OTOF: variants seen among roughly 807,000 people sequenced by gnomAD.
OTOF encodes otoferlin, also known as fer-1-like family member 2.
OTOF carries 218 observed loss-of-function variants against 236.8 expected under a neutral mutation model. That is an observed-to-expected ratio of 0.92 (90% CI 0.82 to 1.03). The LOEUF is 1.03. Among genes scored for constraint, OTOF ranks in the 50% least tolerant of loss-of-function variants. The probability of loss-of-function intolerance (pLI) is 0.00; values close to 1 mark genes in which losing one functional copy is unlikely to be tolerated. For missense variants in OTOF, 2,590 were observed against 2,694.4 expected, an observed-to-expected ratio of 0.96 and a Z score of 0.86; for synonymous variants, 1,041 against 1,072.5, an observed-to-expected ratio of 0.97 and a Z score of 0.57.
At position 26,469,873 on chromosome 2, in the gene OTOF, G is replaced by A. The variant is rs75830880; in HGVS notation, c.4023+720C>T. On this transcript the variant is annotated intron_variant, in intron 32 of 46. Transcript: ENST00000272371. ...CTGGATCAGCTCTGGCCCCACTGAG[G>A]AAACACAACTGCAGGCATGTGTCCC... Among the ~76,000 whole-genome samples the A allele has an allele frequency of 8.7e-3, 1,321 of 152,312 alleles. 21 individuals are homozygous for A. The highest frequency in any genetic ancestry group is 0.03 in the African/African-American group (1,252 of 41,564).
chr2:26,508,018 G>A (rs567539521), intron 5 of OTOF, among the ~76,000 whole-genome samples: 150 of 152,270 alleles, frequency 9.9e-4, no homozygotes, highest in African/African-American at 3.5e-3. Flanking sequence ...TAAATTTAGT[G>A]ACCCGAGTGT....
At position 26,470,466 on chromosome 2, in the gene OTOF, A is replaced by T. The variant is rs2148035422; in HGVS notation, c.4023+127T>A. ...TGAGCTAGGATTTCAAGGATGTGAG[A>T]CAAAACCATCCCAAACTCACATGAA... On this transcript the variant is annotated intron_variant, in intron 32 of 46. Transcript: ENST00000272371. The surrounding 1 kb of genome is among the most constrained non-coding windows in gnomAD (Gnocchi z 4.3). 1 of 949,452 alleles carries T rather than the reference A, an allele frequency of 1.1e-6. No homozygotes were observed. Among genetic ancestry groups the T allele is most frequent in the Middle Eastern group, 3.0e-4 (1 of 3,324 alleles). The allele number at this position is 949,452 out of a possible 1,614,324, so 58.8% of individuals were successfully genotyped here. A position where few individuals can be genotyped will look rare whatever the true frequency, so the allele number is the denominator to read the frequency against.
In OTOF at chr2:26,466,857, C is replaced by T. The variant is rs199567872; in HGVS notation, c.4363-6G>A. 8.2e-5 allele frequency: 132 copies of T among 1,614,006 alleles called. No homozygotes were observed. Among genetic ancestry groups the T allele is most frequent in the Admixed American group, 6.8e-4 (41 of 60,004 alleles). ...TTGTACACGCAGAGGGAGCCCTGGGCAAGACAAATGTGGGTCAGGGTGTAG... is the reference window on the plus strand; with the variant it reads ...TTGTACACGCAGAGGGAGCCCTGGGTAAGACAAATGTGGGTCAGGGTGTAG... On this transcript the variant is annotated splice_polypyrimidine_tract_variant and splice_region_variant and intron_variant, in intron 35 of 46. Transcript: ENST00000272371.
intron 5 of OTOF, among the ~76,000 whole-genome samples, chr2:26,515,643 C>T (rs1437653302): frequency 6.6e-6 from 1 of 152,258 alleles, no homozygotes. Context: ...TCCAGTGGCA[C>T]GGAGGGTCCC....
In OTOF at chr2:26,463,560, C is replaced by T. The variant is rs150521317; in HGVS notation, c.5115G>A (p.Glu1705=). Residue 1705 remains glutamate (E), a synonymous_variant, in exon 41 of 47, where the codon GAG becomes GAA. Coordinates refer to ENST00000272371, the MANE Select transcript of OTOF (RefSeq NM_194248.3). Reference sequence around the variant, plus strand: ...CCATGGGGAACATGTCCACCCACAGCTCCAGGCGGCCCTGAGGAAGAGGGT... The same window carrying T: ...CCATGGGGAACATGTCCACCCACAGTTCCAGGCGGCCCTGAGGAAGAGGGT... ...DKPGIEQGRL[E]LWVDMFPMDM... is the part of the protein sequence containing the mutation. The T allele has an allele frequency of 1.1e-5, 18 of 1,604,106 alleles. No homozygotes were observed. The African/African-American group carries it at 2.1e-4, about 19-fold the overall frequency.
Position 26,458,249 on chromosome 2 carries a change from G to T in OTOF, c.*18-29C>A. On this transcript the variant is annotated intron_variant, in intron 46 of 46. Transcript: ENST00000272371. ...GGAAGTGGAAGAGAGGAGCCGGTCA[G>T]CCAGTGGGCAGGAGCTGCCTCCCAG... 5.1e-6 allele frequency: 8 copies of T among 1,555,460 alleles called. No homozygotes were observed. In the South Asian group the frequency reaches 8.3e-5, roughly 16 times the overall value.
intron 9 of OTOF, among the ~76,000 whole-genome samples, chr2:26,490,014 C>T (rs1665802282): frequency 6.6e-6 from 1 of 152,244 alleles, no homozygotes; most frequent in Non-Finnish European, 1.5e-5. Flanking sequence ...AGCCCATGCC[C>T]TTGTACTGTG....
chr2:26,462,258 G>A lies in OTOF; in HGVS notation c.5193-77C>T. 2.4e-6 allele frequency: 3 copies of A among 1,272,200 alleles called. No individual in the cohort carries two copies. Among genetic ancestry groups the A allele is most frequent in the East Asian group, 4.6e-5 (2 of 43,300 alleles). 78.8% of individuals were successfully genotyped at this position (1,272,200 alleles called of 1,614,324 possible). A position where few individuals can be genotyped will look rare whatever the true frequency, so the allele number is the denominator to read the frequency against. ...AGGGTGCCAGGGCTGGGATGGGGCA[G>A]GCGGAGAGAAGCCCTGGGGTCTTGG... On this transcript the variant is annotated intron_variant, in intron 41 of 46. Transcript: ENST00000272371. The surrounding 1 kb of genome is among the most constrained non-coding windows in gnomAD (Gnocchi z 4.7).
At position 26,472,582 on chromosome 2, in the gene OTOF, A is replaced by T; in HGVS notation, c.3801T>A (p.Val1267=). The change falls in exon 30 of 47, where the codon GTT becomes GTA. Residue 1267 remains valine (V), a synonymous_variant. Coordinates refer to ENST00000272371, the MANE Select transcript of OTOF (RefSeq NM_194248.3). ...GGSSSHSTGE[V]VVTMEPEVPI... is the part of the protein sequence containing the mutation. ...GTACCTCTGGCTCCATAGTCACCAC[A>T]ACCTCCCCTGTGGAGTGAGAGGAGG... The T allele has an allele frequency of 6.2e-7, 1 of 1,613,374 alleles. No homozygotes were observed.
At chr2:26,521,249 T>C (rs1232849014) in intron 3 of OTOF, among the ~76,000 whole-genome samples, 5 of 152,336 alleles carry the variant, frequency 3.3e-5, no homozygotes, top group African/African-American at 1.2e-4. Context: ...GCTGCCTTGA[T>C]TCCCCTAGGA....
In OTOF at chr2:26,482,592, C is replaced by T. The variant is rs1406660585; in HGVS notation, c.1393G>A (p.Gly465Ser). 10 of 1,612,130 alleles carry T rather than the reference C, an allele frequency of 6.2e-6. No homozygotes were observed. Among genetic ancestry groups the T allele is most frequent in the African/African-American group, 1.3e-5 (1 of 74,906 alleles). Residue 465 changes from glycine to serine, a missense_variant and splice_region_variant, in exon 14 of 47, where the codon GGC (glycine) becomes AGC (serine). Physicochemically the swap from Gly to Ser is moderately conservative, Grantham distance 56. This residue lies in a region of OTOF where 1,379 missense variants were observed against 1,341.6 expected (regional missense o/e 1.03). Coordinates refer to ENST00000272371, the MANE Select transcript of OTOF (RefSeq NM_194248.3). ...CTGCTCTTCTGCACTGAAGTCTTGC[C>T]CTGGTGGAAGGGGGAGCACAGGTGA... is the stretch of plus-strand genomic sequence containing the variant. ...YVQVFFAGQK[G>S]KTSVQKSSYE... is the part of the protein sequence containing the mutation.
At chr2:26,540,650 C>A (rs555809319) in intron 1 of OTOF, among the ~76,000 whole-genome samples, 2 of 146,698 alleles carry the variant, frequency 1.4e-5, no homozygotes, top group African/African-American at 5.1e-5. Context: ...TGACGAGGGC[C>A]GGGGGTGGCG....
chr2:26,527,968 A>G (rs1558516818), intron 2 of OTOF, 48 bp from the exon 3 acceptor site: 3 of 1,364,062 alleles, frequency 2.2e-6, no homozygotes, highest in Non-Finnish European at 3.2e-6. Flanking sequence ...AACAGGTAGG[A>G]GCCGTGGGGT....
intron 3 of OTOF, among the ~76,000 whole-genome samples, chr2:26,523,572 C>T (rs943042372): frequency 6.6e-6 from 1 of 152,172 alleles, no homozygotes; most frequent in Non-Finnish European, 1.5e-5. Flanking sequence ...GAGTGTCACC[C>T]TTGAGTGCCC....
chr2:26,518,994 C>T lies in OTOF; in HGVS notation c.327+16G>A, dbSNP rs201851221. 32 of 1,579,184 alleles carry T rather than the reference C, an allele frequency of 2.0e-5. No individual in the cohort carries two copies. The African/African-American group carries it at 3.5e-4, about 17-fold the overall frequency. ...CCCATATGGGAAAGTCCAGGAACTC[C>T]GTGGGGCATACCCACCTTGATGATA... is the stretch of plus-strand genomic sequence containing the variant. On this transcript the variant is annotated intron_variant, in intron 4 of 46. Transcript: ENST00000272371.
At chr2:26,471,242 A>G in intron 30 of OTOF, 92 bp from the exon 31 acceptor site, 1 of 1,448,930 alleles carries the variant, frequency 6.9e-7, no homozygotes, top group Non-Finnish European at 9.7e-7. Context: ...GGAGGAGCCG[A>G]GATGGAAATT....
intron 1 of OTOF, among the ~76,000 whole-genome samples, chr2:26,553,350 A>G (rs1667508675): frequency 6.6e-6 from 1 of 151,942 alleles, no homozygotes; most frequent in East Asian, 1.9e-4. Context: ...TCCATCACCA[A>G]TTCCTCACTT....
Position 26,470,602 on chromosome 2 carries a change from G to T in OTOF, c.4014C>A (p.Thr1338=). 2 of 1,614,100 alleles carry T rather than the reference G, an allele frequency of 1.2e-6. No homozygotes were observed. The highest frequency in any genetic ancestry group is 8.5e-7 in the Non-Finnish European group (1 of 1,180,000). Residue 1338 remains threonine, a synonymous_variant, in exon 32 of 47, where the codon ACC becomes ACA. Transcript: ENST00000272371. The surrounding 1 kb of genome is among the most constrained non-coding windows in gnomAD (Gnocchi z 4.3). The part of the protein sequence containing the change: ...WWSKYFASID[T]MKEQLRQQEP... ...CTACCCGAGGTCTCACCTCCTTCAT[G>T]GTGTCAATGGAGGCAAAGTACTTGG...
chr2:26,548,717 G>C (rs1667393213), intron 1 of OTOF, among the ~76,000 whole-genome samples: 2 of 152,230 alleles, frequency 1.3e-5, no homozygotes, highest in African/African-American at 4.8e-5. Context: ...ATTGAATACA[G>C]TTACGTTCTG....
Sources: allele counts gnomAD v4.1 joint callset (sites outside exome capture counted in the v4.1 genomes callset), GRCh38; gene constraint gnomAD v4.1.1; regional missense constraint gnomAD v4.1.1; non-coding constraint Gnocchi (gnomAD v3.1); transcripts MANE v1.5; gene names NCBI Gene and HGNC (gene_info 2026-07-23, HGNC 2026-07-21).